The following ROBO1 variants were observed in gnomAD, a reference collection of about 807,000 sequenced individuals.
ROBO1 encodes roundabout homolog 1.
ROBO1 carries 149 observed loss-of-function variants against 195.9 expected under a neutral mutation model. The observed-to-expected ratio is 0.76, with a 90% CI of 0.67 to 0.87. ROBO1 has a LOEUF of 0.87. Among genes scored for constraint, ROBO1 ranks in the 40% least tolerant of loss-of-function variants. The probability of loss-of-function intolerance (pLI) is 0.00; values close to 1 mark genes in which losing one functional copy is unlikely to be tolerated. For synonymous variants in ROBO1, 816 were observed against 733.2 expected (o/e 1.11, Z -1.82); for missense variants, 1,933 against 2,068.3 (o/e 0.93, Z 1.27).
chr3:79,104,862 T>C (rs1308006080), intron 3 of ROBO1, among the ~76,000 whole-genome samples: 3 of 151,800 alleles, frequency 2.0e-5, no homozygotes, highest in Non-Finnish European at 4.4e-5. Flanking sequence ...ACATATAGTT[T>C]AATGTAACAG....
At chr3:79,706,542 T>A (rs1429057334) in intron 1 of ROBO1, among the ~76,000 whole-genome samples, 1 of 152,098 alleles carries the variant, frequency 6.6e-6, no homozygotes, top group Non-Finnish European at 1.5e-5. Context: ...CCAAATCTCA[T>A]CTTGATCTTT....
intron 3 of ROBO1, among the ~76,000 whole-genome samples, chr3:79,016,812 T>C (rs568570322): frequency 6.6e-6 from 1 of 152,134 alleles, no homozygotes; most frequent in Non-Finnish European, 1.5e-5. Flanking sequence ...ACCAGAAAGG[T>C]GAATCAACAG....
chr3:79,742,494 C>G (rs1233588078), intron 1 of ROBO1, among the ~76,000 whole-genome samples: 1 of 151,036 alleles, frequency 6.6e-6, no homozygotes, highest in Non-Finnish European at 1.5e-5. Context: ...CGGCAAGACT[C>G]TCTCTCTCTC....
chr3:79,711,546 A>C (rs558710519), intron 1 of ROBO1, among the ~76,000 whole-genome samples: 1 of 152,308 alleles, frequency 6.6e-6, no homozygotes, highest in African/African-American at 2.4e-5. Context: ...AAAATTAAAA[A>C]TTCTCACATC....
intron 2 of ROBO1, among the ~76,000 whole-genome samples, chr3:79,338,915 A>G (rs889250538): frequency 6.6e-6 from 1 of 152,188 alleles, no homozygotes; most frequent in Non-Finnish European, 1.5e-5. Flanking sequence ...ACCGAATATT[A>G]AAAAATCAAA....
rs548823830 is a variant in ROBO1, at chr3:79,181,363, G to C, written c.89-55824C>G. Among the ~76,000 whole-genome samples, 4 of 152,216 alleles carry C rather than the reference G, an allele frequency of 2.6e-5. No homozygotes were observed. In the South Asian group the frequency reaches 8.3e-4, roughly 32 times the overall value. ...CATATAACATGTACTAAGGTATAAA[G>C]GTTTGCCAACTCAGTGAATTAAAAT... On this transcript the variant is annotated intron_variant, in intron 2 of 30. Coordinates refer to ENST00000464233, the MANE Select transcript of ROBO1 (RefSeq NM_002941.4).
chr3:79,549,297 G>A (rs142306703), intron 2 of ROBO1, among the ~76,000 whole-genome samples: 4 of 151,940 alleles, frequency 2.6e-5, no homozygotes, highest in African/African-American at 4.8e-5. Context: ...TGTGATATAC[G>A]ACATAAAATA....
chr3:79,741,689 G>A (rs975580988), intron 1 of ROBO1, among the ~76,000 whole-genome samples: 4 of 152,132 alleles, frequency 2.6e-5, no homozygotes, highest in Non-Finnish European at 5.9e-5. Context: ...GGCAGAGGTT[G>A]GAACAGTTTG....
chr3:79,194,288 A>G (rs1413649222), intron 2 of ROBO1, among the ~76,000 whole-genome samples: 1 of 151,710 alleles, frequency 6.6e-6, no homozygotes, highest in African/African-American at 2.4e-5. Flanking sequence ...ACTGTTGCTC[A>G]CATTCACAAG....
At chr3:79,173,376 T>C (rs1478333068) in intron 2 of ROBO1, among the ~76,000 whole-genome samples, 1 of 152,118 alleles carries the variant, frequency 6.6e-6, no homozygotes, top group Non-Finnish European at 1.5e-5. Flanking sequence ...CGCGCGGTGC[T>C]TGCAGGCCAG....
intron 2 of ROBO1, among the ~76,000 whole-genome samples, chr3:79,512,565 A>G (rs1940762922): frequency 6.6e-6 from 1 of 152,144 alleles, no homozygotes; most frequent in South Asian, 2.1e-4. Context: ...CTATTTATTG[A>G]TCTTAAAAAA....
At chr3:78,703,838 A>T (rs1465826981) in intron 8 of ROBO1, among the ~76,000 whole-genome samples, 1 of 151,756 alleles carries the variant, frequency 6.6e-6, no homozygotes, top group African/African-American at 2.4e-5. Flanking sequence ...TATATATATA[A>T]AATCCTCCAA....
intron 2 of ROBO1, among the ~76,000 whole-genome samples, chr3:79,424,401 C>T (rs964738486): frequency 6.9e-6 from 1 of 145,788 alleles, no homozygotes; most frequent in African/African-American, 2.7e-5. Context: ...TTATTGTATA[C>T]TCCTCAAGTG....
chr3:78,685,635 C>T, intron 10 of ROBO1, 111 bp downstream of exon 10: 1 of 653,732 alleles, frequency 1.5e-6, no homozygotes, highest in Non-Finnish European at 2.4e-6. Flanking sequence ...AGGTTTTACA[C>T]TAAAATAGCC....
At chr3:78,982,311 C>T (rs1452915655) in intron 3 of ROBO1, among the ~76,000 whole-genome samples, 2 of 152,094 alleles carry the variant, frequency 1.3e-5, no homozygotes, top group African/African-American at 4.8e-5. Context: ...ATGATTTTCC[C>T]GCCTGCATAT....
At chr3:79,572,720 A>G (rs1176436712) in intron 2 of ROBO1, among the ~76,000 whole-genome samples, 2 of 152,220 alleles carry the variant, frequency 1.3e-5, no homozygotes, top group Non-Finnish European at 1.5e-5. Flanking sequence ...AGTTAGAAAC[A>G]TAGAAATTAA....
intron 4 of ROBO1, among the ~76,000 whole-genome samples, chr3:78,810,545 G>A (rs1290221339): frequency 6.6e-6 from 1 of 152,026 alleles, no homozygotes; most frequent in Non-Finnish European, 1.5e-5. Context: ...CATATATTGA[G>A]TAACACAGTA....
At chr3:78,976,618 G>C (rs151185899) in intron 3 of ROBO1, among the ~76,000 whole-genome samples, 1 of 152,242 alleles carries the variant, frequency 6.6e-6, no homozygotes, top group Non-Finnish European at 1.5e-5. Flanking sequence ...TCTCTCTACA[G>C]CAGCATTTGC....
chr3:78,654,582 C>G (rs1706879333), intron 18 of ROBO1, among the ~76,000 whole-genome samples: 3 of 152,042 alleles, frequency 2.0e-5, no homozygotes, highest in South Asian at 4.1e-4. Context: ...TGGAAACAGC[C>G]AAGAGAGGTC....
Sources: allele counts gnomAD v4.1 joint callset (sites outside exome capture counted in the v4.1 genomes callset), GRCh38; gene constraint gnomAD v4.1.1; transcripts MANE v1.5; gene names NCBI Gene and HGNC (gene_info 2026-07-23, HGNC 2026-07-21).